The following FER variants were observed in gnomAD, a reference collection of about 807,000 sequenced individuals.
FER encodes the protein FER tyrosine kinase.
FER carries 63 observed loss-of-function variants against 111.0 expected under a neutral mutation model. The ratio of observed to expected loss-of-function variants is 0.57; its 90% confidence interval spans 0.46 to 0.70. FER has a LOEUF of 0.70. Among genes scored for constraint, FER ranks in the 30% least tolerant of loss-of-function variants. The pLI is 0.00. For missense variants in FER, 914 were observed against 954.0 expected (o/e 0.96, Z 0.55); for synonymous variants, 327 against 313.9 (o/e 1.04, Z -0.44).
At chr5:108,788,836 C>G (rs1755041817) in intron 2 of FER, among the ~76,000 whole-genome samples, 1 of 152,170 alleles carries the variant, frequency 6.6e-6, no homozygotes, top group Non-Finnish European at 1.5e-5. Flanking sequence ...CTTGTTCTTT[C>G]ATTTCTATTG....
At chr5:109,087,008 A>C (rs539473201) in intron 16 of FER, among the ~76,000 whole-genome samples, 2 of 147,972 alleles carry the variant, frequency 1.4e-5, no homozygotes, top group East Asian at 3.9e-4. Flanking sequence ...ATTAGGGCTT[A>C]CCCTGGGGAC....
chr5:109,184,745 A>G (rs1758675504), intron 18 of FER, among the ~76,000 whole-genome samples: 1 of 152,236 alleles, frequency 6.6e-6, no homozygotes, highest in Admixed American at 6.5e-5. Flanking sequence ...TCTACTAAGA[A>G]GGACGCTACT....
In FER at chr5:108,847,075, A is replaced by G. The variant is rs541677595; in HGVS notation, c.481+11268A>G. 4.0e-5 allele frequency among the ~76,000 whole-genome samples: 6 copies of G among 150,256 alleles called. No individual in the cohort carries two copies. In the South Asian group the frequency reaches 6.3e-4, roughly 16 times the overall value. ...AGTTTGCACTTTTTCTGTTTTTCTT[A>G]ATGTGGAAGCTGAGGTCATTGATTT... On this transcript the variant is annotated intron_variant, in intron 5 of 19. Coordinates refer to ENST00000281092, the MANE Select transcript of FER (RefSeq NM_005246.4).
At chr5:108,859,699 A>G (rs1002943763) in intron 5 of FER, among the ~76,000 whole-genome samples, 1 of 152,094 alleles carries the variant, frequency 6.6e-6, no homozygotes, top group African/African-American at 2.4e-5. Flanking sequence ...AAGACTGTGG[A>G]TCAATTGAAT....
At chr5:109,042,811 G>A (rs1163236446) in intron 14 of FER, among the ~76,000 whole-genome samples, 2 of 152,136 alleles carry the variant, frequency 1.3e-5, no homozygotes, top group Non-Finnish European at 2.9e-5. Context: ...GAAAAGGCAT[G>A]ACACGTATTT....
chr5:108,814,337 A>G (rs1336464670), intron 3 of FER, among the ~76,000 whole-genome samples: 3 of 152,188 alleles, frequency 2.0e-5, no homozygotes, highest in East Asian at 1.9e-4. Context: ...ACAGGTCCAC[A>G]GTGCAAAGCA....
chr5:108,817,475 T>TA (rs1332113036), intron 3 of FER, among the ~76,000 whole-genome samples: 5 of 152,256 alleles, frequency 3.3e-5, no homozygotes, highest in African/African-American at 1.2e-4. Flanking sequence ...ATGTTGTATT[T>TA]AAAAAAATTC....
intron 17 of FER, among the ~76,000 whole-genome samples, chr5:109,116,273 T>A (rs908980367): frequency 6.6e-6 from 1 of 152,118 alleles, no homozygotes; most frequent in African/African-American, 2.4e-5. Context: ...TACCGATAGA[T>A]GTTGAAAAGC....
chr5:109,091,668 A>G (rs567558653), intron 16 of FER, among the ~76,000 whole-genome samples: 7 of 152,306 alleles, frequency 4.6e-5, no homozygotes, highest in Admixed American at 3.3e-4. Context: ...TGTACACTGC[A>G]CATAGCCAAG....
chr5:108,831,750 T>C (rs763046210), intron 3 of FER, among the ~76,000 whole-genome samples: 3 of 152,234 alleles, frequency 2.0e-5, no homozygotes, highest in South Asian at 2.1e-4. Flanking sequence ...TAGATGCTTA[T>C]GAAATTTTGA....
At chr5:108,898,515 CCTT>C (rs1749491201) in intron 10 of FER, among the ~76,000 whole-genome samples, 1 of 148,434 alleles carries the variant, frequency 6.7e-6, no homozygotes, top group South Asian at 2.2e-4. Flanking sequence ...TCTCCTTTCT[CCTT>C]CTTCCTTCCT....
intron 9 of FER, 131 bp downstream of exon 9, chr5:108,883,649 A>G (rs2150287638): frequency 1.4e-6 from 1 of 740,608 alleles, no homozygotes; most frequent in South Asian, 3.2e-5. Context: ...GAAGTTTTGT[A>G]TAGTTAATTT....
At chr5:109,023,113 A>G (rs1768157783) in intron 13 of FER, among the ~76,000 whole-genome samples, 1 of 152,138 alleles carries the variant, frequency 6.6e-6, no homozygotes, top group Non-Finnish European at 1.5e-5. Context: ...GAAGGAAATG[A>G]TGTTTGCTTG....
chr5:108,852,918 A>G (rs538454927), intron 5 of FER, among the ~76,000 whole-genome samples: 1 of 152,278 alleles, frequency 6.6e-6, no homozygotes, highest in South Asian at 2.1e-4. Context: ...GGAATATGCT[A>G]TATGATTCAT....
chr5:109,039,971 TAGC>T (rs1258298210), intron 14 of FER, among the ~76,000 whole-genome samples: 1 of 152,092 alleles, frequency 6.6e-6, no homozygotes. Context: ...GTTAAGATGA[TAGC>T]AGTGGTGGTG....
intron 13 of FER, among the ~76,000 whole-genome samples, chr5:108,986,817 A>G (rs937288201): frequency 1.3e-5 from 2 of 152,108 alleles, no homozygotes; most frequent in Non-Finnish European, 2.9e-5. Context: ...CTACTTTTAT[A>G]TCGGTACCGT....
intron 13 of FER, among the ~76,000 whole-genome samples, chr5:108,989,141 T>C (rs1055384905): frequency 6.6e-6 from 1 of 152,066 alleles, no homozygotes; most frequent in African/African-American, 2.4e-5. Flanking sequence ...CCTTTTAATC[T>C]TATTACCAGG....
intron 10 of FER, among the ~76,000 whole-genome samples, chr5:108,944,854 G>GAATCTATAAAT (rs1756767132): frequency 8.5e-6 from 1 of 117,086 alleles, no homozygotes; most frequent in South Asian, 2.4e-4. Context: ...CATATGAAAA[G>GAATCTATAAAT]ATGTTTTCAC....
chr5:109,010,638 TC>T (rs1475824352), intron 13 of FER, among the ~76,000 whole-genome samples: 2 of 152,168 alleles, frequency 1.3e-5, no homozygotes, highest in Non-Finnish European at 2.9e-5. Flanking sequence ...TCTCTTCCCT[TC>T]CTGGATTTAT....
Sources: allele counts gnomAD v4.1 joint callset (sites outside exome capture counted in the v4.1 genomes callset), GRCh38; gene constraint gnomAD v4.1.1; transcripts MANE v1.5; gene names NCBI Gene and HGNC (gene_info 2026-07-23, HGNC 2026-07-21).